Variants in SULT1E1 observed in about 807,000 individuals in gnomAD.
The protein encoded by SULT1E1 is sulfotransferase 1E1.
SULT1E1 carries 36 observed loss-of-function variants against 33.6 expected under a neutral mutation model. That is an observed-to-expected ratio of 1.07 (90% confidence interval 0.82 to 1.41). The LOEUF (loss-of-function observed/expected upper bound fraction) is 1.41. Among genes scored for constraint, SULT1E1 ranks in the 40% most tolerant of loss-of-function variants. SULT1E1 has a pLI of 0.00. For synonymous variants in SULT1E1, 121 were observed against 111.7 expected (o/e 1.08, Z -0.53); for missense variants, 371 against 345.7 (o/e 1.07, Z -0.58).
Position 69,844,938 on chromosome 4 carries a change from T to C in SULT1E1, c.592-597A>G, listed in dbSNP as rs11573789. On this transcript the variant is annotated intron_variant, in intron 6 of 7. Coordinates refer to ENST00000226444, the MANE Select transcript of SULT1E1 (RefSeq NM_005420.3). ...ACCGCAATGTGTATTCAAGTGCACA[T>C]TTCTCTCTATGCCAATCAAATGCTG... 3.0e-3 allele frequency among the ~76,000 whole-genome samples: 458 copies of C among 152,210 alleles called. 4 individuals carry two copies. The highest frequency in any genetic ancestry group is 0.011 in the African/African-American group (446 of 41,554).
intron 1 of SULT1E1, among the ~76,000 whole-genome samples, chr4:69,858,417 G>T (rs1024612991): frequency 1.3e-5 from 2 of 152,054 alleles, no homozygotes; most frequent in Non-Finnish European, 2.9e-5. Context: ...GTTACTAACA[G>T]AATTTTTAAT....
intron 4 of SULT1E1, among the ~76,000 whole-genome samples, chr4:69,853,670 C>T (rs1187273320): frequency 6.6e-6 from 1 of 152,062 alleles, no homozygotes; most frequent in East Asian, 1.9e-4. Context: ...ACTAGGTGTC[C>T]ATGAAGACAA....
chr4:69,847,263 G>T (rs1720995208), intron 6 of SULT1E1, among the ~76,000 whole-genome samples: 1 of 150,256 alleles, frequency 6.7e-6, no homozygotes, highest in Admixed American at 6.6e-5. Context: ...TTGTTTCTTT[G>T]TAATTTTTAA....
At chr4:69,825,106 G>T in the SULT1E1 span, among the ~76,000 whole-genome samples, 1 of 152,076 alleles carries the variant, frequency 6.6e-6, no homozygotes, top group Non-Finnish European at 1.5e-5. Flanking sequence ...TCACTGCGAA[G>T]GTCTGTGGCT....
At position 69,857,181 on chromosome 4, in the gene SULT1E1, G is replaced by C. The variant is rs570637311; in HGVS notation, c.145+319C>G. Among the ~76,000 whole-genome samples, 17 of 152,250 alleles carry C rather than the reference G, an allele frequency of 1.1e-4. No individual in the cohort carries two copies. In the South Asian group the frequency reaches 3.5e-3, roughly 32 times the overall value. Reference sequence around the variant, plus strand: ...CCTGTAAAAATGGTGGTCATACGCTGTATATACGACAACATTAATGACATA... The same window carrying C: ...CCTGTAAAAATGGTGGTCATACGCTCTATATACGACAACATTAATGACATA... On this transcript the variant is annotated intron_variant, in intron 2 of 7. Transcript: ENST00000226444.
rs1560555177 is a variant in SULT1E1, at chr4:69,847,800, TAGAG to T, written c.497-12_497-9del. ...ACCAGGAACCATAAGGAACTAAAAT[TAGAG>T]AGAAAAACAGTGTAAAAGTGGTATC... On this transcript the variant is annotated splice_polypyrimidine_tract_variant and intron_variant, in intron 5 of 7. Transcript: ENST00000226444. 9 of 1,589,798 alleles carry T rather than the reference TAGAG, an allele frequency of 5.7e-6. No individual in the cohort carries two copies. In the South Asian group the frequency reaches 1.0e-4, roughly 18 times the overall value.
At chr4:69,838,893 A>G (rs916191464), downstream of SULT1E1, among the ~76,000 whole-genome samples, 1 of 152,242 alleles carries the variant, frequency 6.6e-6, no homozygotes, top group African/African-American at 2.4e-5. Flanking sequence ...CACTTAAGGA[A>G]TGGCACGGGG....
intron 7 of SULT1E1, 107 bp downstream of exon 7, chr4:69,844,054 A>C (rs552503745): frequency 2.1e-6 from 2 of 972,978 alleles, no homozygotes; most frequent in Admixed American, 4.2e-5. Flanking sequence ...TGCTGAAGAA[A>C]ACTTAAGCTG....
chr4:69,837,626 C>A (rs908506726), downstream of SULT1E1, among the ~76,000 whole-genome samples: 2 of 151,528 alleles, frequency 1.3e-5, no homozygotes, highest in African/African-American at 2.4e-5. Context: ...TGATTCAAAC[C>A]CTAAAGACAA....
At chr4:69,831,530 A>G in the SULT1E1 span, among the ~76,000 whole-genome samples, 1 of 152,188 alleles carries the variant, frequency 6.6e-6, no homozygotes, top group South Asian at 2.1e-4. Context: ...ATAGAGGGCT[A>G]TTCTAATTCA....
rs565058519 is a variant in SULT1E1, at chr4:69,849,914, T to A, written c.370-351A>T. Among the ~76,000 whole-genome samples the A allele has an allele frequency of 7.9e-5, 12 of 152,118 alleles. 1 individual carries two copies. The South Asian group carries it at 2.5e-3, about 31-fold the overall frequency. On this transcript the variant is annotated intron_variant, in intron 4 of 7. Transcript: ENST00000226444. ...GTGAAGAGATTAAGCTGAAATTTAG[T>A]GATAATATAGCATTGAGAGTAAATC...
downstream of SULT1E1, among the ~76,000 whole-genome samples, chr4:69,840,963 G>A (rs1025526217): frequency 3.9e-5 from 6 of 152,024 alleles, no homozygotes; most frequent in East Asian, 1.9e-4. Flanking sequence ...GGAGAATGGC[G>A]GGAACCCAGG....
At chr4:69,859,369 G>C (rs1326407287) in intron 1 of SULT1E1, among the ~76,000 whole-genome samples, 1 of 151,922 alleles carries the variant, frequency 6.6e-6, no homozygotes, top group Non-Finnish European at 1.5e-5. Context: ...AGAATACTAT[G>C]GTGGATATAG....
At chr4:69,832,283 G>T in the SULT1E1 span, among the ~76,000 whole-genome samples, 15 of 152,314 alleles carry the variant, frequency 9.8e-5, no homozygotes, top group African/African-American at 3.6e-4. Context: ...CATGCTTGGG[G>T]TAACTGATCT....
downstream of SULT1E1, among the ~76,000 whole-genome samples, chr4:69,836,730 C>G (rs1030043068): frequency 6.6e-6 from 1 of 152,068 alleles, no homozygotes; most frequent in Admixed American, 6.5e-5. Context: ...TATAATTTTG[C>G]ATACATGTGT....
chr4:69,857,459 T>C (rs746180030), intron 2 of SULT1E1, 41 bp downstream of exon 2: 1 of 1,572,468 alleles, frequency 6.4e-7, no homozygotes, highest in Admixed American at 2.0e-5. Flanking sequence ...TACAGTGTGT[T>C]TGTTATTTTT....
intron 4 of SULT1E1, among the ~76,000 whole-genome samples, chr4:69,851,906 T>C (rs1331197180): frequency 1.3e-5 from 2 of 151,872 alleles, no homozygotes; most frequent in Non-Finnish European, 2.9e-5. Flanking sequence ...TTCTCACTCA[T>C]AGGTGGGAAG....
intron 4 of SULT1E1, among the ~76,000 whole-genome samples, chr4:69,850,652 A>G (rs978710383): frequency 4.0e-5 from 6 of 150,650 alleles, no homozygotes; most frequent in Admixed American, 2.6e-4. Flanking sequence ...GCTGAATGGA[A>G]CCCTTTGCCA....
At chr4:69,826,587 C>T in the SULT1E1 span, among the ~76,000 whole-genome samples, 3 of 152,064 alleles carry the variant, frequency 2.0e-5, no homozygotes, top group East Asian at 1.9e-4. Flanking sequence ...CAAGCACCAA[C>T]AGGCTCACCC....
Sources: allele counts gnomAD v4.1 joint callset (sites outside exome capture counted in the v4.1 genomes callset), GRCh38; gene constraint gnomAD v4.1.1; transcripts MANE v1.5; gene names NCBI Gene and HGNC (gene_info 2026-07-23, HGNC 2026-07-21).